The following DOC2B variants were observed in gnomAD, a reference collection of about 807,000 sequenced individuals.
The protein encoded by DOC2B is double C2 domain beta.
A neutral mutation model predicts 28.9 loss-of-function variants in DOC2B; 21 were observed. That is an observed-to-expected ratio of 0.73 (90% CI 0.52 to 1.05). The LOEUF (loss-of-function observed/expected upper bound fraction) is 1.05, where lower values mean the gene tolerates loss of function less well. Among genes scored for constraint, DOC2B ranks in the 50% least tolerant of loss-of-function variants. The pLI is 0.00. For synonymous variants in DOC2B, 194 were observed against 178.1 expected (o/e 1.09, Z -0.71); for missense variants, 384 against 421.1 (o/e 0.91, Z 0.77).
intron 2 of DOC2B, among the ~76,000 whole-genome samples, chr17:165,266 G>A (rs989353286): frequency 6.6e-6 from 1 of 152,030 alleles, no homozygotes; most frequent in Non-Finnish European, 1.5e-5. Flanking sequence ...CCCAGCGCTT[G>A]AGCCCAGGAG....
rs2040213259 is a variant in DOC2B, at chr17:162,174, G to C, written c.545C>G (p.Thr182Arg). The C allele has an allele frequency of 6.4e-7, 1 of 1,551,632 alleles. No individual in the cohort carries two copies. Residue 182 changes from threonine to arginine, a missense_variant, in exon 4 of 9, where the codon ACA (threonine) becomes AGA (arginine). By Grantham distance (71) the Thr-to-Arg change is moderately conservative (BLOSUM62 -1). Transcript: ENST00000613549. ...PGASKANKLR[T>R]KTLRNTLNPT... ...GTTCAGAGTGTTACGGAGAGTTTTT[G>C]TTCTGAGCTTATTTGCCTGGAGAAG...
chr17:144,818 C>G lies in DOC2B; in HGVS notation c.*2623G>C, dbSNP rs1316387929. The G allele has an allele frequency of 3.9e-5, 6 of 152,240 alleles. No homozygotes were observed. The highest frequency in any genetic ancestry group is 7.3e-5 in the Non-Finnish European group (5 of 68,090). The allele number at this position is 152,240 out of a possible 1,614,324, so 9.4% of individuals were successfully genotyped here. A position where few individuals can be genotyped will look rare whatever the true frequency, so the allele number is the denominator to read the frequency against. ...TGTCCCAGCTGTGCCCCTTCAGGCC[C>G]CTTTCACCCACTGGGCCTCACATTC... is the stretch of plus-strand genomic sequence containing the variant. On this transcript the variant is annotated 3_prime_UTR_variant, in exon 9 of 9. Transcript: ENST00000613549.
chr17:171,945 C>T (rs1216942589), intron 2 of DOC2B, among the ~76,000 whole-genome samples: 2 of 141,082 alleles, frequency 1.4e-5, no homozygotes, highest in South Asian at 2.4e-4. Flanking sequence ...CCGGGCCAGG[C>T]TGCAGAGGGG....
Position 181,407 on chromosome 17 carries a change from CG to C in DOC2B, c.72del (p.Gly25AlafsTer129), listed in dbSNP as rs1278819310. The C allele has an allele frequency of 2.5e-6, 3 of 1,178,752 alleles. No homozygotes were observed. Among genetic ancestry groups the C allele is most frequent in the South Asian group, 2.3e-5 (1 of 42,650 alleles). 73.0% of individuals were successfully genotyped at this position (1,178,752 alleles called of 1,614,324 possible). On this transcript the variant is annotated frameshift_variant, in exon 1 of 9. Transcript: ENST00000613549. LOFTEE classifies it high-confidence loss of function. The surrounding 1 kb of genome is among the most constrained non-coding windows in gnomAD (Gnocchi z 7.0). ...IQEHMAIDVC[P>X]GPIRPIKQIS... is the part of the protein sequence containing the mutation. ...ATCTGCTTGATGGGACGGATGGGGC[CG>C]GGGCACACGTCGATGGCCATATGCT...
chr17:166,214 G>A (rs2040263013), intron 2 of DOC2B, among the ~76,000 whole-genome samples: 1 of 152,254 alleles, frequency 6.6e-6, no homozygotes, highest in Admixed American at 6.5e-5. Flanking sequence ...GGCACTGCCT[G>A]AAGCCCTGTC....
At chr17:178,085 G>A (rs147062391) in intron 1 of DOC2B, among the ~76,000 whole-genome samples, 14 of 152,356 alleles carry the variant, frequency 9.2e-5, no homozygotes, top group Non-Finnish European at 1.6e-4. Flanking sequence ...ACCCAGTCAA[G>A]GACCTTATTG....
Position 181,055 on chromosome 17 carries a change from G to C in DOC2B, c.373+52C>G. 8.2e-7 allele frequency: 1 copy of C among 1,215,514 alleles called. No homozygotes were observed. Among genetic ancestry groups the C allele is most frequent in the African/African-American group, 1.6e-5 (1 of 63,512 alleles). 75.3% of individuals were successfully genotyped at this position (1,215,514 alleles called of 1,614,324 possible). A position where few individuals can be genotyped will look rare whatever the true frequency, so the allele number is the denominator to read the frequency against. On this transcript the variant is annotated intron_variant, in intron 1 of 8. Transcript: ENST00000613549. The surrounding 1 kb of genome is among the most constrained non-coding windows in gnomAD (Gnocchi z 7.0). ...AGGGAAGCCGCGAGGCCGTGGGGGG[G>C]CCGAGCCCGAGCCAGGGGAGGGGGC... is the stretch of plus-strand genomic sequence containing the variant.
intron 2 of DOC2B, among the ~76,000 whole-genome samples, chr17:169,044 T>G (rs28495754): frequency 6.6e-6 from 1 of 152,058 alleles, no homozygotes; most frequent in African/African-American, 2.4e-5. Flanking sequence ...AGAGGAGAGC[T>G]TCTCCCCAAA....
At chr17:176,448 C>T (rs948247828) in intron 1 of DOC2B, among the ~76,000 whole-genome samples, 8 of 152,076 alleles carry the variant, frequency 5.3e-5, no homozygotes, top group Non-Finnish European at 8.8e-5. Flanking sequence ...CTTGAACTCC[C>T]GGGCTCAAGC....
Position 161,548 on chromosome 17 carries a change from G to A in DOC2B, c.639-7C>T. On this transcript the variant is annotated splice_region_variant and splice_polypyrimidine_tract_variant and intron_variant, in intron 4 of 8. Coordinates refer to ENST00000613549, the MANE Select transcript of DOC2B (RefSeq NM_003585.5). ...CTCGTCACACACAGAGATCCTAGAG[G>A]GGGCGGTGGTGAGGGGCACAGCCAG... is the stretch of plus-strand genomic sequence containing the variant. 6.4e-7 allele frequency: 1 copy of A among 1,551,598 alleles called. No individual in the cohort carries two copies. The highest frequency in any genetic ancestry group is 1.4e-5 in the African/African-American group (1 of 73,172).
At chr17:162,276 T>G in intron 3 of DOC2B, 86 bp from the exon 4 acceptor site, 1 of 986,994 alleles carries the variant, frequency 1.0e-6, no homozygotes, top group South Asian at 1.4e-5. Flanking sequence ...GTGCTCATCT[T>G]GGAGCCTGTG....
At chr17:170,451 G>A (rs1204142779) in intron 2 of DOC2B, among the ~76,000 whole-genome samples, 21 of 152,272 alleles carry the variant, frequency 1.4e-4, no homozygotes, top group East Asian at 1.4e-3. Context: ...GGGTGAGCAT[G>A]CTGCCAAGGG....
At position 164,137 on chromosome 17, in the gene DOC2B, G is replaced by A; in HGVS notation, c.521C>T (p.Ala174Val). 1 of 1,552,454 alleles carries A rather than the reference G, an allele frequency of 6.4e-7. No individual in the cohort carries two copies. Among genetic ancestry groups the A allele is most frequent in the Non-Finnish European group, 8.7e-7 (1 of 1,147,250 alleles). ...PYVKLHLLPG[A>V]SKANKLRTKT... ...CTGGGTGGAACCCCTCACCTTACTG[G>A]CTCCTGGCAGCAGGTGCAGCTTGAC... The change falls in exon 3 of 9, where the codon GCC (alanine) becomes GTC (valine). Residue 174 changes from alanine (A) to valine (V), a missense_variant. Ala to Val is a moderately conservative substitution (Grantham distance 64). Transcript: ENST00000613549.
At chr17:159,683 C>T (rs958119698) in intron 5 of DOC2B, among the ~76,000 whole-genome samples, 1 of 152,062 alleles carries the variant, frequency 6.6e-6, no homozygotes, top group Non-Finnish European at 1.5e-5. Flanking sequence ...GGGTGCATCC[C>T]CAGCTGCACT....
rs2039994415 is a variant in DOC2B, at chr17:142,838, G to A, written c.*4603C>T. On this transcript the variant is annotated 3_prime_UTR_variant, in exon 9 of 9. Coordinates refer to ENST00000613549, the MANE Select transcript of DOC2B (RefSeq NM_003585.5). ...TATCTCGAGAAATTTCTGACCTAAA[G>A]AATGATGTACAATAAACTGTATTCA... The A allele has an allele frequency of 4.6e-5, 7 of 152,282 alleles. 1 individual carries two copies. The South Asian group carries it at 1.5e-3, about 32-fold the overall frequency. 9.4% of individuals were successfully genotyped at this position (152,282 alleles called of 1,614,324 possible). A position where few individuals can be genotyped will look rare whatever the true frequency, so the allele number is the denominator to read the frequency against.
intron 6 of DOC2B, among the ~76,000 whole-genome samples, chr17:153,694 C>G (rs929887828): frequency 6.7e-6 from 1 of 149,926 alleles, no homozygotes; most frequent in African/African-American, 2.5e-5. Context: ...GAGTAAGACT[C>G]TGTCTCAAAA....
At chr17:180,902 T>A (rs2040433247) in intron 1 of DOC2B, among the ~76,000 whole-genome samples, 1 of 150,854 alleles carries the variant, frequency 6.6e-6, no homozygotes, top group Non-Finnish European at 1.5e-5. Flanking sequence ...CTGTCCGGCC[T>A]GGGTCGGGGG....
At chr17:151,535 C>G (rs2040071809) in intron 6 of DOC2B, among the ~76,000 whole-genome samples, 1 of 152,166 alleles carries the variant, frequency 6.6e-6, no homozygotes, top group Non-Finnish European at 1.5e-5. Context: ...GACGCTCAAC[C>G]TGTACCTCAA....
At chr17:153,708 A>G (rs553947222) in intron 6 of DOC2B, among the ~76,000 whole-genome samples, 1 of 152,216 alleles carries the variant, frequency 6.6e-6, no homozygotes, top group Admixed American at 6.5e-5. Context: ...CTCAAAAAAA[A>G]AAAAATCACA....
Sources: gnomAD v4.1 joint callset for allele counts (sites outside exome capture counted in the v4.1 genomes callset) on GRCh38, gnomAD v4.1.1 for gene constraint, Gnocchi (gnomAD v3.1) non-coding constraint, MANE v1.5 for transcripts, NCBI Gene and HGNC (gene_info 2026-07-23, HGNC 2026-07-21) for gene names.